Variants in ZNFX1 observed in about 807,000 individuals in gnomAD.
The protein encoded by ZNFX1 is NFX1-type zinc finger-containing protein 1.
A neutral mutation model predicts 179.8 loss-of-function variants in ZNFX1; 78 were observed. That is an observed-to-expected ratio of 0.43 (90% confidence interval 0.36 to 0.52). The LOEUF is 0.52. Among genes scored for constraint, ZNFX1 ranks in the 20% least tolerant of loss-of-function variants. The pLI is 0.00. For missense variants in ZNFX1, 1,927 were observed against 2,386.6 expected, an observed-to-expected ratio of 0.81 and a Z score of 4.01; for synonymous variants, 848 against 868.5, an observed-to-expected ratio of 0.98 and a Z score of 0.42.
chr20:49,271,749 G>A lies in ZNFX1; in HGVS notation c.63C>T (p.Gly21=), dbSNP rs770995028. Residue 21 remains glycine, a splice_region_variant and synonymous_variant, in exon 3 of 14, where the codon GGC becomes GGT. Transcript: ENST00000396105. ...TTGGTGGTAACTCTCCATCCACAGG[G>A]CCTAAACACAATGAAATATTGAGTA... The part of the protein sequence containing the change: ...RPRNSHTNHR[G]PVDGELPPRA... The A allele has an allele frequency of 6.3e-7, 1 of 1,599,558 alleles. No homozygotes were observed. Among genetic ancestry groups the A allele is most frequent in the Non-Finnish European group, 8.5e-7 (1 of 1,171,586 alleles).
At chr20:49,258,543 A>G (rs1434256374) in intron 7 of ZNFX1, among the ~76,000 whole-genome samples, 2 of 152,188 alleles carry the variant, frequency 1.3e-5, no homozygotes, top group African/African-American at 4.8e-5. Context: ...CGTGGGGCTT[A>G]TGCCTGTATC....
Position 49,248,037 on chromosome 20 carries a change from G to A in ZNFX1, c.4987C>T (p.Arg1663Trp), listed in dbSNP as rs150988771. 6.2e-6 allele frequency: 10 copies of A among 1,614,052 alleles called. No individual in the cohort carries two copies. Among genetic ancestry groups the A allele is most frequent in the Admixed American group, 3.3e-5 (2 of 60,000 alleles). ...TTCCTCTCCAGCAGGGCCTTAAGCC[G>A]TTCCTGGCTGGTTGCTATTTCCCCT... ...SAGEIATSQE[R>W]LKALLERKSL... Residue 1663 changes from arginine to tryptophan, a missense_variant, in exon 14 of 14, where the codon CGG becomes TGG. Coordinates refer to ENST00000396105, the MANE Select transcript of ZNFX1 (RefSeq NM_021035.3). This position sits in a 1 kb window ranked among gnomAD's most constrained non-coding sequence, Gnocchi z 4.6.
In ZNFX1 at chr20:49,271,259, C is replaced by G; in HGVS notation, c.553G>C (p.Glu185Gln). The G allele has an allele frequency of 6.2e-7, 1 of 1,614,142 alleles. No homozygotes were observed. The highest frequency in any genetic ancestry group is 1.1e-5 in the South Asian group (1 of 91,084). The part of the protein sequence containing the change: ...SHSSMKSNFL[E>Q]LICQVLRKAC... ...TTCCGAAGAACCTGACAGATGAGCT[C>G]AAGGAAGTTAGATTTCATGGAAGAA... Residue 185 changes from glutamate to glutamine, a missense_variant, in exon 3 of 14, where the codon GAG (glutamate) becomes CAG (glutamine). Transcript: ENST00000396105.
At chr20:49,264,355 T>G (rs1282785234) in intron 5 of ZNFX1, among the ~76,000 whole-genome samples, 1 of 152,238 alleles carries the variant, frequency 6.6e-6, no homozygotes, top group Non-Finnish European at 1.5e-5. Context: ...ACAATATCTG[T>G]TCTCTCTCTT....
intron 6 of ZNFX1, among the ~76,000 whole-genome samples, chr20:49,262,576 T>G (rs1390556261): frequency 6.6e-6 from 1 of 152,088 alleles, no homozygotes; most frequent in African/African-American, 2.4e-5. Context: ...CCTCTCCGCT[T>G]CTTAATATTT....
In ZNFX1 at chr20:49,249,200, G is replaced by A. The variant is rs1056459882; in HGVS notation, c.3824C>T (p.Ser1275Phe). 2 of 1,614,120 alleles carry A rather than the reference G, an allele frequency of 1.2e-6. No individual in the cohort carries two copies. Among genetic ancestry groups the A allele is most frequent in the Admixed American group, 1.7e-5 (1 of 60,008 alleles). Reference sequence around the variant, plus strand: ...TACTTTTTGGAAGTCAGAAGCTTTGGATACTAAGGTGTGGGTTTCAGGGTG... The same window carrying A: ...TACTTTTTGGAAGTCAGAAGCTTTGAATACTAAGGTGTGGGTTTCAGGGTG... The part of the protein sequence containing the change: ...QNHPETHTLV[S>F]KASDFQKVPE... The change falls in exon 14 of 14, where the codon TCC becomes TTC. Residue 1275 changes from serine to phenylalanine, a missense_variant. Coordinates refer to ENST00000396105, the MANE Select transcript of ZNFX1 (RefSeq NM_021035.3).
intron 3 of ZNFX1, among the ~76,000 whole-genome samples, chr20:49,267,476 A>AAT (rs1981265594): frequency 1.1e-5 from 1 of 94,220 alleles, no homozygotes; most frequent in Non-Finnish European, 2.5e-5. Flanking sequence ...TGTTACATAA[A>AAT]GTTTTTTTTT....
intron 9 of ZNFX1, among the ~76,000 whole-genome samples, chr20:49,255,295 G>A (rs1182071763): frequency 6.6e-6 from 1 of 151,736 alleles, no homozygotes; most frequent in Non-Finnish European, 1.5e-5. Flanking sequence ...CGCCTGTCTC[G>A]GCCTCCCGAA....
At chr20:49,262,167 C>T (rs1421872358) in intron 6 of ZNFX1, among the ~76,000 whole-genome samples, 1 of 151,538 alleles carries the variant, frequency 6.6e-6, no homozygotes, top group African/African-American at 2.4e-5. Flanking sequence ...ATAATCCCAG[C>T]ACTTTGGAGA....
At position 49,248,184 on chromosome 20, in the gene ZNFX1, T is replaced by C. The variant is rs1450125006; in HGVS notation, c.4840A>G (p.Ile1614Val). 2 of 1,614,202 alleles carry C rather than the reference T, an allele frequency of 1.2e-6. No homozygotes were observed. Among genetic ancestry groups the C allele is most frequent in the East Asian group, 2.2e-5 (1 of 44,882 alleles). The change falls in exon 14 of 14, where the codon ATC (isoleucine) becomes GTC (valine). Residue 1614 changes from isoleucine (I) to valine (V), a missense_variant. Physicochemically the swap from Ile to Val is conservative, Grantham distance 29. Transcript: ENST00000396105. The surrounding 1 kb of genome is among the most constrained non-coding windows in gnomAD (Gnocchi z 4.6). ...MNEQKDDEVA[I>V]RLKVCPICQV... ...CAGATAGGGCAGACTTTCAATCTGA[T>C]GGCGACTTCATCATCCTTCTGTTCA...
rs146430460 is a variant in ZNFX1, at chr20:49,261,648, GTTT to G, written c.2302-1074_2302-1072del. 1.3e-3 allele frequency among the ~76,000 whole-genome samples: 183 copies of G among 136,146 alleles called. 1 individual carries two copies. Among genetic ancestry groups the G allele is most frequent in the African/African-American group, 1.5e-3 (57 of 36,884 alleles). The allele number at this position is 136,146 out of a possible 152,430, so 89.3% of individuals were successfully genotyped here. On this transcript the variant is annotated intron_variant, in intron 6 of 13. Coordinates refer to ENST00000396105, the MANE Select transcript of ZNFX1 (RefSeq NM_021035.3). ...TGTACAACAAACCGCCATGACACAA[GTTT>G]TTTTTTTTTTTTTTGAGACAGTCTT...
At chr20:49,253,983 T>C (rs1416895713) in intron 10 of ZNFX1, among the ~76,000 whole-genome samples, 172 bp from the exon 11 acceptor site, 1 of 152,122 alleles carries the variant, frequency 6.6e-6, no homozygotes, top group Non-Finnish European at 1.5e-5. Flanking sequence ...TTGGTCACTG[T>C]TGGAGTTTCA....
At chr20:49,269,162 A>T (rs762230200) in intron 3 of ZNFX1, among the ~76,000 whole-genome samples, 1 of 152,256 alleles carries the variant, frequency 6.6e-6, no homozygotes, top group African/African-American at 2.4e-5. Context: ...TACACCACGG[A>T]ATACTATGCA....
rs1298423891 is a variant in ZNFX1 at position 49,257,449 on chromosome 20, C to G, written c.2632G>C (p.Ala878Pro). The change falls in exon 8 of 14, where the codon GCT (alanine) becomes CCT (proline). Residue 878 changes from alanine to proline, a missense_variant. By Grantham distance (27) the Ala-to-Pro change is conservative. Transcript: ENST00000396105. The part of the protein sequence containing the change: ...RLDHCGTGTA[A>P]GQEQATGEWQ... ...TCTCCTGTGGCTTGCTCCTGTCCAG[C>G]TGCTGTCCCAGTGCCACAATGGTCT... 1 of 1,614,136 alleles carries G rather than the reference C, an allele frequency of 6.2e-7. No individual in the cohort carries two copies. The highest frequency in any genetic ancestry group is 8.5e-7 in the Non-Finnish European group (1 of 1,180,024).
chr20:49,264,576 T>C (rs1981192244), intron 5 of ZNFX1, 140 bp downstream of exon 5: 3 of 1,037,318 alleles, frequency 2.9e-6, no homozygotes, highest in East Asian at 2.4e-5. Flanking sequence ...ATTGGCAGAA[T>C]AGAATGCTGA....
Position 49,270,444 on chromosome 20 carries a change from C to T in ZNFX1, c.1368G>A (p.Met456Ile). Residue 456 changes from methionine (M) to isoleucine (I), a missense_variant, in exon 3 of 14, where the codon ATG (methionine) becomes ATA (isoleucine). Met to Ile is a conservative substitution (Grantham distance 10). Transcript: ENST00000396105. This position sits in a 1 kb window ranked among gnomAD's most constrained non-coding sequence, Gnocchi z 4.6. ...GAAATGTCTCGAAGTTGTCCTTGGA[C>T]ATGCATACCAAAGACCCATAGAGCA... ...KRLLYGSLVC[M>I]SKDNFETFLF... is the part of the protein sequence containing the mutation. The T allele has an allele frequency of 6.2e-7, 1 of 1,614,220 alleles. No homozygotes were observed. The highest frequency in any genetic ancestry group is 8.5e-7 in the Non-Finnish European group (1 of 1,180,044).
chr20:49,253,917 C>T, intron 10 of ZNFX1, 106 bp from the exon 11 acceptor site: 1 of 1,335,912 alleles, frequency 7.5e-7, no homozygotes, highest in Non-Finnish European at 1.0e-6. Context: ...GAACCTGCAT[C>T]AGCGACAGCT....
chr20:49,249,402 C>G lies in ZNFX1; in HGVS notation c.3622G>C (p.Val1208Leu), dbSNP rs1257339486. ...CGGTTGGATATCTGCAGAAAACCCACCTTGCCTTCTTGGTTGCTCCGCACT... is the reference window on the plus strand; with the variant it reads ...CGGTTGGATATCTGCAGAAAACCCAGCTTGCCTTCTTGGTTGCTCCGCACT... ...SLVRSNQEGKVGFLQISNRIC... is the reference protein window; with the variant it reads ...SLVRSNQEGKLGFLQISNRIC... Residue 1208 changes from valine (V) to leucine (L), a missense_variant, in exon 14 of 14, where the codon GTG becomes CTG. By Grantham distance (32) the Val-to-Leu change is conservative. Transcript: ENST00000396105. 6.2e-7 allele frequency: 1 copy of G among 1,614,248 alleles called. No homozygotes were observed. Among genetic ancestry groups the G allele is most frequent in the Non-Finnish European group, 8.5e-7 (1 of 1,180,048 alleles).
intron 10 of ZNFX1, 79 bp downstream of exon 10, chr20:49,254,413 GCTC>G (rs1446130957): frequency 1.3e-6 from 2 of 1,512,472 alleles, no homozygotes; most frequent in Non-Finnish European, 1.8e-6. Context: ...TACCAAAGAA[GCTC>G]CTCTTTACCT....
Sources: allele counts gnomAD v4.1 joint callset (sites outside exome capture counted in the v4.1 genomes callset), GRCh38; gene constraint gnomAD v4.1.1; non-coding constraint Gnocchi (gnomAD v3.1); transcripts MANE v1.5; gene names NCBI Gene and HGNC (gene_info 2026-07-23, HGNC 2026-07-21).